Variants in CNTNAP2 observed in about 807,000 individuals in gnomAD.
CNTNAP2 encodes the protein contactin associated protein 2, also known as contactin-associated protein-like 2.
A neutral mutation model predicts 155.2 loss-of-function variants in CNTNAP2; 98 were observed. The ratio of observed to expected loss-of-function variants is 0.63; its 90% CI spans 0.54 to 0.75. The LOEUF (loss-of-function observed/expected upper bound fraction) is 0.75. CNTNAP2 is among the 30% of genes least tolerant of loss of function. The pLI is 0.00. For missense variants in CNTNAP2, 1,727 were observed against 1,688.1 expected (o/e 1.02, Z -0.40); for synonymous variants, 651 against 631.2 (o/e 1.03, Z -0.47).
At chr7:147,655,938 G>T (rs907002857) in intron 13 of CNTNAP2, among the ~76,000 whole-genome samples, 2 of 152,204 alleles carry the variant, frequency 1.3e-5, no homozygotes, top group African/African-American at 4.8e-5. Flanking sequence ...GTTTAGTGTA[G>T]CCACCTTCAT....
intron 1 of CNTNAP2, among the ~76,000 whole-genome samples, chr7:146,475,567 A>G (rs531311682): frequency 6.6e-6 from 1 of 152,272 alleles, no homozygotes; most frequent in East Asian, 1.9e-4. Context: ...ATAATGATGA[A>G]ATTGAAGTTT....
intron 1 of CNTNAP2, among the ~76,000 whole-genome samples, chr7:146,563,324 G>A (rs1012586903): frequency 2.0e-5 from 3 of 151,884 alleles, no homozygotes; most frequent in Non-Finnish European, 4.4e-5. Flanking sequence ...CTAACTGAGA[G>A]CCACATATTC....
chr7:146,866,979 G>A (rs1239649172), intron 3 of CNTNAP2, among the ~76,000 whole-genome samples: 1 of 151,960 alleles, frequency 6.6e-6, no homozygotes, highest in African/African-American at 2.4e-5. Context: ...ATATGTAGAT[G>A]CATATAACAA....
chr7:146,580,010 C>G (rs915327381), intron 1 of CNTNAP2, among the ~76,000 whole-genome samples: 2 of 150,806 alleles, frequency 1.3e-5, no homozygotes, highest in Admixed American at 1.3e-4. Context: ...CAAAATTCAC[C>G]CCCAAACACA....
At chr7:146,835,898 G>C (rs189211571) in intron 2 of CNTNAP2, among the ~76,000 whole-genome samples, 23 of 152,306 alleles carry the variant, frequency 1.5e-4, no homozygotes, top group African/African-American at 5.3e-4. Flanking sequence ...AGACACCTCA[G>C]AGTTTCTACA....
chr7:147,215,087 T>C (rs1054663347), intron 8 of CNTNAP2, among the ~76,000 whole-genome samples: 8 of 152,112 alleles, frequency 5.3e-5, no homozygotes, highest in Non-Finnish European at 1.0e-4. Flanking sequence ...ACCAAGTCCC[T>C]GCCTCAACAT....
At chr7:146,383,068 T>C (rs922720407) in intron 1 of CNTNAP2, among the ~76,000 whole-genome samples, 3 of 152,196 alleles carry the variant, frequency 2.0e-5, no homozygotes, top group Non-Finnish European at 4.4e-5. Context: ...GCATTTTCAT[T>C]GAACTCATTG....
At chr7:147,961,970 T>C (rs895462612) in intron 14 of CNTNAP2, among the ~76,000 whole-genome samples, 2 of 152,110 alleles carry the variant, frequency 1.3e-5, no homozygotes, top group African/African-American at 4.8e-5. Flanking sequence ...AACAGAAAAG[T>C]AGTAAAAAGA....
intron 18 of CNTNAP2, among the ~76,000 whole-genome samples, chr7:148,203,691 G>A (rs755549866): frequency 6.6e-6 from 1 of 152,136 alleles, no homozygotes; most frequent in African/African-American, 2.4e-5. Flanking sequence ...GTTGCAGTGA[G>A]CCAAGGTCGT....
intron 15 of CNTNAP2, among the ~76,000 whole-genome samples, chr7:148,011,348 A>G (rs2116905599): frequency 6.6e-6 from 1 of 152,272 alleles, no homozygotes; most frequent in African/African-American, 2.4e-5. Context: ...TCATTATTCT[A>G]GAATTTCCTT....
intron 4 of CNTNAP2, chr7:147,081,142 T>C (rs565137593): frequency 6.6e-6 from 1 of 152,154 alleles, no homozygotes; most frequent in South Asian, 2.1e-4. Context: ...AAAGAAACTG[T>C]CTTTGTGATT....
chr7:147,248,440 C>T (rs1008431758), intron 8 of CNTNAP2, among the ~76,000 whole-genome samples: 1 of 152,118 alleles, frequency 6.6e-6, no homozygotes, highest in Non-Finnish European at 1.5e-5. Flanking sequence ...GGCAAGTGAG[C>T]AGCATGGAGA....
chr7:147,020,378 A>G (rs189946131), intron 3 of CNTNAP2, among the ~76,000 whole-genome samples: 37 of 152,288 alleles, frequency 2.4e-4, no homozygotes, highest in Admixed American at 2.2e-3. Context: ...CTACAGGGTT[A>G]AAGGGTCTAG....
chr7:147,662,368 G>A (rs776799604), intron 13 of CNTNAP2, among the ~76,000 whole-genome samples: 23 of 152,222 alleles, frequency 1.5e-4, no homozygotes, highest in Admixed American at 2.6e-4. Context: ...AAATCAAGGA[G>A]CTGATTAACA....
chr7:148,204,801 T>G (rs1209816918), intron 18 of CNTNAP2, among the ~76,000 whole-genome samples: 1 of 151,734 alleles, frequency 6.6e-6, no homozygotes, highest in Admixed American at 6.6e-5. Flanking sequence ...GAGGGAGGAG[T>G]GTGGGCTCTG....
At chr7:147,726,536 A>AT (rs1796647547) in intron 13 of CNTNAP2, among the ~76,000 whole-genome samples, 1 of 152,004 alleles carries the variant, frequency 6.6e-6, no homozygotes, top group Non-Finnish European at 1.5e-5. Context: ...GAGAAGGGGA[A>AT]TCTAGATCAA....
At chr7:146,183,073 T>A (rs1347046233) in intron 1 of CNTNAP2, among the ~76,000 whole-genome samples, 1 of 152,228 alleles carries the variant, frequency 6.6e-6, no homozygotes, top group Non-Finnish European at 1.5e-5. Flanking sequence ...CTTCTTGGAA[T>A]GGTATTTTTG....
chr7:146,581,917 T>C (rs937014896), intron 1 of CNTNAP2, among the ~76,000 whole-genome samples: 13 of 152,124 alleles, frequency 8.5e-5, no homozygotes, highest in African/African-American at 2.9e-4. Flanking sequence ...ATTGATAAGA[T>C]AAGGATATTC....
At position 146,207,648 on chromosome 7, in the gene CNTNAP2, T is replaced by G. The variant is rs1280281880; in HGVS notation, c.97+90675T>G. Among the ~76,000 whole-genome samples, 12 of 151,020 alleles carry G rather than the reference T, an allele frequency of 7.9e-5. No individual in the cohort carries two copies. The South Asian group carries it at 1.0e-3, about 13-fold the overall frequency. ...CAGAACAGGACTGTGTTTTTTTTTTTTTTTTTTTTTTAACTCATTCATGAA... is the reference window on the plus strand; with the variant it reads ...CAGAACAGGACTGTGTTTTTTTTTTGTTTTTTTTTTTAACTCATTCATGAA... On this transcript the variant is annotated intron_variant, in intron 1 of 23. Coordinates refer to ENST00000361727, the MANE Select transcript of CNTNAP2 (RefSeq NM_014141.6).
Sources: gnomAD v4.1 joint callset for allele counts (sites outside exome capture counted in the v4.1 genomes callset) on GRCh38, gnomAD v4.1.1 for gene constraint, MANE v1.5 for transcripts, NCBI Gene and HGNC (gene_info 2026-07-23, HGNC 2026-07-21) for gene names.